The following PRKCB variants were observed in gnomAD, a reference collection of about 807,000 sequenced individuals.
The protein encoded by PRKCB is protein kinase C beta.
In PRKCB, 13 loss-of-function variants were observed where a neutral mutation model predicts 81.5. The ratio of observed to expected loss-of-function variants is 0.16; its 90% CI spans 0.10 to 0.25. The LOEUF (loss-of-function observed/expected upper bound fraction) is 0.25, where lower values mean the gene tolerates loss of function less well. Among genes scored for constraint, PRKCB ranks in the 10% least tolerant of loss-of-function variants. The pLI is 1.00. For synonymous variants in PRKCB, 335 were observed against 321.4 expected, an observed-to-expected ratio of 1.04 and a Z score of -0.45; for missense variants, 509 against 875.7, an observed-to-expected ratio of 0.58 and a Z score of 5.29.
chr16:23,892,388 G>A (rs1396424125), intron 2 of PRKCB, among the ~76,000 whole-genome samples: 4 of 152,140 alleles, frequency 2.6e-5, no homozygotes, highest in Admixed American at 6.5e-5. Context: ...GGATTAAATC[G>A]TTTTAAGGTC....
In PRKCB at chr16:24,180,731, T is replaced by C. The variant is rs1332337984; in HGVS notation, c.1395-59T>C. The C allele has an allele frequency of 2.5e-6, 4 of 1,576,822 alleles. No homozygotes were observed. In the African/African-American group the frequency reaches 5.4e-5, roughly 21 times the overall value. Reference sequence around the variant, plus strand: ...TGTTTTATGCATAATGAGTGGCTGTTGGTTGGCTTGAAATGCATAGCGTTT... The same window carrying C: ...TGTTTTATGCATAATGAGTGGCTGTCGGTTGGCTTGAAATGCATAGCGTTT... On this transcript the variant is annotated intron_variant, in intron 12 of 16. Transcript: ENST00000643927.
intron 4 of PRKCB, 46 bp downstream of exon 4, chr16:24,032,293 ATGGGAAGGGCT>A (rs780589425): frequency 9.2e-5 from 128 of 1,387,708 alleles, no homozygotes; most frequent in Middle Eastern, 8.8e-4. Flanking sequence ...GGCAGAAGCA[ATGGGAAGGGCT>A]GCTTCCACTT....
chr16:24,219,114 A>G lies in PRKCB; in HGVS notation c.*4298A>G, dbSNP rs183148409. On this transcript the variant is annotated 3_prime_UTR_variant, in exon 17 of 17. Coordinates refer to ENST00000643927, the MANE Select transcript of PRKCB (RefSeq NM_002738.7). ...CATACAGATTCCTTTATTAGCCCAC[A>G]TTCTGATGTTCCCTGGTGAGACTTG... is the stretch of plus-strand genomic sequence containing the variant. The G allele has an allele frequency of 1.0e-6, 1 of 985,456 alleles. No individual in the cohort carries two copies. The highest frequency in any genetic ancestry group is 1.1e-4 in the East Asian group (1 of 8,810). The allele number at this position is 985,456 out of a possible 1,614,324, so 61.0% of individuals were successfully genotyped here.
intron 3 of PRKCB, among the ~76,000 whole-genome samples, chr16:24,017,870 T>C (rs956685115): frequency 1.3e-5 from 2 of 151,184 alleles, no homozygotes; most frequent in East Asian, 1.9e-4. Flanking sequence ...GCTGGGACTA[T>C]AGGCATGCGC....
chr16:24,072,862 G>A (rs1966128931), intron 5 of PRKCB, among the ~76,000 whole-genome samples: 1 of 152,104 alleles, frequency 6.6e-6, no homozygotes, highest in Admixed American at 6.5e-5. Context: ...GATTACATGT[G>A]TGCGCCACGC....
intron 2 of PRKCB, among the ~76,000 whole-genome samples, chr16:23,840,778 A>G (rs1476837074): frequency 6.6e-6 from 1 of 152,140 alleles, no homozygotes; most frequent in Non-Finnish European, 1.5e-5. Flanking sequence ...AAACTCATAA[A>G]CCTTGGGAAA....
At chr16:23,893,788 G>A (rs552464123) in intron 2 of PRKCB, 35 of 152,248 alleles carry the variant, frequency 2.3e-4, no homozygotes, top group African/African-American at 7.5e-4. Flanking sequence ...TCTATTGAAC[G>A]GATGTACTAA....
chr16:23,982,029 T>C (rs867846711), intron 2 of PRKCB, among the ~76,000 whole-genome samples: 3 of 21,400 alleles, frequency 1.4e-4, no homozygotes, highest in Admixed American at 3.6e-4. Context: ...TCCACTTCCC[T>C]TTCCCTTCAC....
chr16:23,971,972 T>G (rs981800910), intron 2 of PRKCB, among the ~76,000 whole-genome samples: 6 of 152,112 alleles, frequency 3.9e-5, no homozygotes, highest in African/African-American at 1.4e-4. Flanking sequence ...AAATTAAGAC[T>G]TATAAATGAA....
chr16:23,937,913 C>T (rs889444661), intron 2 of PRKCB, among the ~76,000 whole-genome samples: 4 of 152,000 alleles, frequency 2.6e-5, no homozygotes, highest in African/African-American at 4.8e-5. Context: ...GGCTGCCATA[C>T]GTTAGGTGCA....
At chr16:23,955,704 G>A (rs1162524504) in intron 2 of PRKCB, among the ~76,000 whole-genome samples, 3 of 152,196 alleles carry the variant, frequency 2.0e-5, no homozygotes, top group African/African-American at 4.8e-5. Context: ...CACCATGGGC[G>A]AGACCTTGGA....
At chr16:24,109,143 T>A (rs1337298774) in intron 7 of PRKCB, among the ~76,000 whole-genome samples, 1 of 135,962 alleles carries the variant, frequency 7.4e-6, no homozygotes, top group Admixed American at 7.1e-5. Flanking sequence ...ACGGGGCGGC[T>A]GGCCGGGCGG....
At chr16:24,206,221 T>C (rs954366222) in intron 16 of PRKCB, among the ~76,000 whole-genome samples, 3 of 152,196 alleles carry the variant, frequency 2.0e-5, no homozygotes, top group African/African-American at 7.2e-5. Flanking sequence ...TTTAAAATGA[T>C]CAAATATGTA....
intron 3 of PRKCB, among the ~76,000 whole-genome samples, chr16:24,019,634 T>G (rs1332978441): frequency 2.6e-5 from 4 of 152,000 alleles, no homozygotes; most frequent in Non-Finnish European, 5.9e-5. Context: ...CATGGTAGCG[T>G]GCACCAGTAG....
chr16:23,940,280 A>T (rs1406447512), intron 2 of PRKCB, among the ~76,000 whole-genome samples: 4 of 152,184 alleles, frequency 2.6e-5, no homozygotes, highest in African/African-American at 9.7e-5. Flanking sequence ...CACTCTGGAA[A>T]ACTGGCAGTT....
At chr16:23,943,388 G>A (rs1964161675) in intron 2 of PRKCB, among the ~76,000 whole-genome samples, 1 of 152,112 alleles carries the variant, frequency 6.6e-6, no homozygotes, top group African/African-American at 2.4e-5. Flanking sequence ...TACTAACCAG[G>A]CTAGTTGACA....
intron 2 of PRKCB, among the ~76,000 whole-genome samples, chr16:23,898,545 A>G (rs554369018): frequency 6.6e-6 from 1 of 152,228 alleles, no homozygotes; most frequent in Admixed American, 6.5e-5. Flanking sequence ...ATTACAAATG[A>G]GAAGAATGGG....
At chr16:23,848,218 T>A (rs2141080238) in intron 2 of PRKCB, among the ~76,000 whole-genome samples, 1 of 152,200 alleles carries the variant, frequency 6.6e-6, no homozygotes, top group South Asian at 2.1e-4. Context: ...TTGTCACTGT[T>A]TTAAAGTGGG....
intron 2 of PRKCB, among the ~76,000 whole-genome samples, chr16:23,873,468 C>T (rs573645036): frequency 6.6e-6 from 1 of 152,134 alleles, no homozygotes; most frequent in South Asian, 2.1e-4. Context: ...GTTTTTGGAC[C>T]ATGGGTTTTC....
Sources: allele counts gnomAD v4.1 joint callset (sites outside exome capture counted in the v4.1 genomes callset), GRCh38; gene constraint gnomAD v4.1.1; transcripts MANE v1.5; gene names NCBI Gene and HGNC (gene_info 2026-07-23, HGNC 2026-07-21).